Variants in GRID2 observed in about 807,000 individuals in gnomAD.
The protein encoded by GRID2 is glutamate ionotropic receptor delta type subunit 2.
Under a neutral mutation model 114.8 loss-of-function variants are expected in GRID2, and 33 were observed. That is an observed-to-expected ratio of 0.29 (90% CI 0.22 to 0.38). GRID2 has a LOEUF of 0.38. Ranked by LOEUF, GRID2 falls within the 10% of genes least tolerant of loss-of-function variation. The probability of loss-of-function intolerance (pLI) is 1.00; values close to 1 mark genes in which losing one functional copy is unlikely to be tolerated. For synonymous variants in GRID2, 505 were observed against 449.9 expected, an observed-to-expected ratio of 1.12 and a Z score of -1.55; for missense variants, 1,184 against 1,257.7, an observed-to-expected ratio of 0.94 and a Z score of 0.89.
At chr4:93,696,748 C>T (rs975993170) in intron 14 of GRID2, among the ~76,000 whole-genome samples, 1 of 152,174 alleles carries the variant, frequency 6.6e-6, no homozygotes, top group Admixed American at 6.5e-5. Flanking sequence ...TCAATAACTT[C>T]CAACATCCTG....
At chr4:92,919,963 G>A (rs891355439) in intron 2 of GRID2, among the ~76,000 whole-genome samples, 5 of 152,030 alleles carry the variant, frequency 3.3e-5, no homozygotes, top group South Asian at 4.1e-4. Context: ...AAAGTCTTCC[G>A]TTATTATTGT....
chr4:92,327,600 A>G (rs1412172643), intron 1 of GRID2, among the ~76,000 whole-genome samples: 1 of 152,046 alleles, frequency 6.6e-6, no homozygotes, highest in African/African-American at 2.4e-5. Context: ...GCCCAGTCCT[A>G]CATAAAACAT....
intron 14 of GRID2, among the ~76,000 whole-genome samples, chr4:93,746,767 G>C: frequency 6.6e-6 from 1 of 151,948 alleles, no homozygotes; most frequent in South Asian, 2.1e-4. Context: ...CTGTTACATA[G>C]TCAGGCTATT....
intron 1 of GRID2, among the ~76,000 whole-genome samples, chr4:92,500,054 GACA>G (rs2149122184): frequency 6.6e-6 from 1 of 152,262 alleles, no homozygotes; most frequent in Admixed American, 6.5e-5. Flanking sequence ...TTGAAAAGTT[GACA>G]ACAATTCGTT....
intron 8 of GRID2, among the ~76,000 whole-genome samples, chr4:93,265,791 C>T (rs893106671): frequency 3.3e-5 from 5 of 152,136 alleles, no homozygotes; most frequent in African/African-American, 1.2e-4. Flanking sequence ...TTAAGGAGCA[C>T]CCCTTCCCAC....
chr4:92,602,943 A>G (rs1234950278), intron 2 of GRID2, among the ~76,000 whole-genome samples: 1 of 152,172 alleles, frequency 6.6e-6, no homozygotes, highest in East Asian at 1.9e-4. Context: ...ATGAACTCCA[A>G]TTCACAATTG....
chr4:92,875,479 T>C (rs1180466169), intron 2 of GRID2, among the ~76,000 whole-genome samples: 1 of 152,210 alleles, frequency 6.6e-6, no homozygotes, highest in African/African-American at 2.4e-5. Flanking sequence ...TATTTTTTCA[T>C]AAGCAAGGTT....
intron 14 of GRID2, among the ~76,000 whole-genome samples, chr4:93,637,793 T>G (rs1025971100): frequency 4.6e-5 from 7 of 152,200 alleles, no homozygotes; most frequent in African/African-American, 1.7e-4. Context: ...AATCAAAACT[T>G]TAATTCTTCC....
At chr4:93,746,053 G>A (rs892953336) in intron 14 of GRID2, among the ~76,000 whole-genome samples, 7 of 152,074 alleles carry the variant, frequency 4.6e-5, no homozygotes, top group Admixed American at 2.6e-4. Context: ...GTATTTTTGT[G>A]TCAAAGGACC....
chr4:93,690,856 A>G (rs2110113954), intron 14 of GRID2, among the ~76,000 whole-genome samples: 1 of 149,652 alleles, frequency 6.7e-6, no homozygotes, highest in East Asian at 1.9e-4. Flanking sequence ...GTTGTTTTAT[A>G]TATAATATGT....
At chr4:93,426,872 T>A (rs1768899814) in intron 10 of GRID2, among the ~76,000 whole-genome samples, 1 of 152,080 alleles carries the variant, frequency 6.6e-6, no homozygotes, top group Non-Finnish European at 1.5e-5. Context: ...GAACTAGGTT[T>A]TTATTTTGTT....
chr4:93,238,897 G>A (rs961412538), intron 8 of GRID2, among the ~76,000 whole-genome samples: 3 of 151,342 alleles, frequency 2.0e-5, no homozygotes, highest in African/African-American at 7.3e-5. Context: ...TCTACTGCAA[G>A]ATGTGACATT....
At chr4:93,693,349 C>CT (rs1204759178) in intron 14 of GRID2, among the ~76,000 whole-genome samples, 1 of 152,120 alleles carries the variant, frequency 6.6e-6, no homozygotes, top group African/African-American at 2.4e-5. Flanking sequence ...ACTAGAAACT[C>CT]TTAATACTGG....
In GRID2 at chr4:93,286,751, T is replaced by C. The variant is rs1753214954; in HGVS notation, c.1245+48261T>C. Among the ~76,000 whole-genome samples the C allele has an allele frequency of 3.4e-5, 5 of 148,916 alleles. No homozygotes were observed. In the East Asian group the frequency reaches 9.7e-4, roughly 29 times the overall value. ...CCCACATTAGTTGTGGAATTTATCT[T>C]AATCCAACCAGAATTATATATATAT... On this transcript the variant is annotated intron_variant, in intron 8 of 15. Transcript: ENST00000282020.
At chr4:92,749,018 G>A (rs1034257815) in intron 2 of GRID2, among the ~76,000 whole-genome samples, 4 of 151,404 alleles carry the variant, frequency 2.6e-5, no homozygotes, top group Admixed American at 2.0e-4. Context: ...TTTTGGAGGC[G>A]GAGTCTTGCT....
chr4:92,869,860 A>G (rs959771299), intron 2 of GRID2, among the ~76,000 whole-genome samples: 7 of 152,106 alleles, frequency 4.6e-5, no homozygotes, highest in African/African-American at 1.7e-4. Context: ...CCTTAACTTC[A>G]ACTATCATTT....
chr4:93,562,947 G>A (rs1428456681), intron 13 of GRID2, among the ~76,000 whole-genome samples: 1 of 152,010 alleles, frequency 6.6e-6, no homozygotes, highest in South Asian at 2.1e-4. Flanking sequence ...TTTATGGTAA[G>A]TCTTAAAGTC....
intron 13 of GRID2, among the ~76,000 whole-genome samples, chr4:93,615,121 A>T (rs1741472452): frequency 6.6e-6 from 1 of 152,230 alleles, no homozygotes; most frequent in Non-Finnish European, 1.5e-5. Flanking sequence ...CAAGCATTTG[A>T]CTATAAAATG....
intron 1 of GRID2, among the ~76,000 whole-genome samples, chr4:92,506,103 T>A (rs1723955682): frequency 6.6e-6 from 1 of 152,028 alleles, no homozygotes; most frequent in Admixed American, 6.6e-5. Context: ...GAGCTTTATA[T>A]AGTGATAATT....
Sources: gnomAD v4.1 joint callset for allele counts (sites outside exome capture counted in the v4.1 genomes callset) on GRCh38, gnomAD v4.1.1 for gene constraint, MANE v1.5 for transcripts, NCBI Gene and HGNC (gene_info 2026-07-23, HGNC 2026-07-21) for gene names.